INPP4B: variants seen among roughly 807,000 people sequenced by gnomAD.
The protein encoded by INPP4B is inositol polyphosphate 4-phosphatase type II.
A neutral mutation model predicts 122.5 loss-of-function variants in INPP4B; 55 were observed. The observed-to-expected ratio is 0.45, with a 90% confidence interval of 0.36 to 0.56. The LOEUF (loss-of-function observed/expected upper bound fraction) is 0.56, where lower values mean the gene tolerates loss of function less well. Among genes scored for constraint, INPP4B ranks in the 20% least tolerant of loss-of-function variants. INPP4B has a pLI of 0.00. For synonymous variants in INPP4B, 403 were observed against 388.7 expected, an observed-to-expected ratio of 1.04 and a Z score of -0.43; for missense variants, 1,000 against 1,097.7, an observed-to-expected ratio of 0.91 and a Z score of 1.26.
At chr4:142,636,865 T>A (rs1376962369) in intron 2 of INPP4B, among the ~76,000 whole-genome samples, 1 of 152,106 alleles carries the variant, frequency 6.6e-6, no homozygotes, top group Non-Finnish European at 1.5e-5. Context: ...ATAAAATTAC[T>A]TGTAATTATA....
chr4:142,193,504 C>A (rs1444249300), intron 14 of INPP4B, among the ~76,000 whole-genome samples: 1 of 152,044 alleles, frequency 6.6e-6, no homozygotes, highest in Non-Finnish European at 1.5e-5. Flanking sequence ...ATGTTAATTG[C>A]TCTTTTGTGT....
intron 2 of INPP4B, among the ~76,000 whole-genome samples, chr4:142,510,965 T>G (rs1194312915): frequency 6.6e-6 from 1 of 152,168 alleles, no homozygotes; most frequent in Non-Finnish European, 1.5e-5. Flanking sequence ...TTTCTTCAGA[T>G]AGACTTGTCA....
At chr4:142,205,684 T>C (rs951045410) in intron 14 of INPP4B, among the ~76,000 whole-genome samples, 1 of 152,114 alleles carries the variant, frequency 6.6e-6, no homozygotes, top group Non-Finnish European at 1.5e-5. Context: ...ACTCAGCTCA[T>C]GTAAAAAGCG....
rs192042881 is a variant in INPP4B, at chr4:142,735,868, T to A, written c.-253-9967A>T. Among the ~76,000 whole-genome samples the A allele has an allele frequency of 1.6e-3, 244 of 151,872 alleles. 2 individuals are homozygous for A. The highest frequency in any genetic ancestry group is 3.1e-3 in the Non-Finnish European group (211 of 67,968). On this transcript the variant is annotated intron_variant, in intron 1 of 25. Transcript: ENST00000262992. ...AACATATTATATCTTTAATTTAAAGTAATTATTATCGCCTAGGAGTTTAAA... is the reference window on the plus strand; with the variant it reads ...AACATATTATATCTTTAATTTAAAGAAATTATTATCGCCTAGGAGTTTAAA...
At chr4:142,257,521 A>G (rs1736938005) in intron 11 of INPP4B, among the ~76,000 whole-genome samples, 2 of 152,122 alleles carry the variant, frequency 1.3e-5, no homozygotes. Context: ...AGGATACAAA[A>G]TCAATGTACA....
chr4:142,683,413 G>A (rs1439891495), intron 2 of INPP4B, among the ~76,000 whole-genome samples: 1 of 151,788 alleles, frequency 6.6e-6, no homozygotes, highest in East Asian at 2.0e-4. Flanking sequence ...CACCAGACAG[G>A]TTTCCATGTG....
At chr4:142,551,791 C>T (rs990858423) in intron 2 of INPP4B, among the ~76,000 whole-genome samples, 2 of 152,076 alleles carry the variant, frequency 1.3e-5, no homozygotes, top group African/African-American at 2.4e-5. Flanking sequence ...ATATAGAAAA[C>T]TTTAAAAAAT....
At chr4:142,235,499 G>T (rs1267503890) in intron 12 of INPP4B, among the ~76,000 whole-genome samples, 4 of 152,122 alleles carry the variant, frequency 2.6e-5, no homozygotes, top group Non-Finnish European at 4.4e-5. Context: ...TCAGCTCACT[G>T]CAAGCTCCGC....
intron 15 of INPP4B, among the ~76,000 whole-genome samples, chr4:142,179,777 A>G (rs1830010476): frequency 6.6e-6 from 1 of 152,170 alleles, no homozygotes; most frequent in Non-Finnish European, 1.5e-5. Context: ...TGACCTTTAA[A>G]TAAGCAAAGT....
intron 2 of INPP4B, among the ~76,000 whole-genome samples, chr4:142,722,538 TA>T (rs963323416): frequency 1.3e-5 from 2 of 152,106 alleles, no homozygotes; most frequent in African/African-American, 2.4e-5. Context: ...CCAGAAGAGT[TA>T]AAAAGACCAA....
intron 11 of INPP4B, among the ~76,000 whole-genome samples, chr4:142,241,704 T>C (rs1859489456): frequency 6.6e-6 from 1 of 152,194 alleles, no homozygotes; most frequent in Admixed American, 6.5e-5. Context: ...ATCAAAGAGA[T>C]ATCATAGGGA....
intron 1 of INPP4B, among the ~76,000 whole-genome samples, chr4:142,783,690 T>A (rs956013134): frequency 2.6e-5 from 4 of 152,134 alleles, no homozygotes; most frequent in African/African-American, 9.7e-5. Flanking sequence ...CTGCAAAACA[T>A]TAAAATGACA....
intron 18 of INPP4B, among the ~76,000 whole-genome samples, chr4:142,138,619 T>A (rs1163422054): frequency 2.0e-5 from 3 of 152,152 alleles, no homozygotes; most frequent in Non-Finnish European, 4.4e-5. Context: ...TGTGCTTGAA[T>A]TTGAATCCTT....
At chr4:142,432,578 G>T (rs879397186) in intron 3 of INPP4B, among the ~76,000 whole-genome samples, 6 of 152,046 alleles carry the variant, frequency 3.9e-5, no homozygotes, top group Admixed American at 3.9e-4. Flanking sequence ...CTTGAACAGC[G>T]ATCATGCTTC....
chr4:142,636,574 G>C (rs1224090167), intron 2 of INPP4B, among the ~76,000 whole-genome samples: 1 of 151,928 alleles, frequency 6.6e-6, no homozygotes, highest in African/African-American at 2.4e-5. Flanking sequence ...AGAGGTATTA[G>C]TTTTAGTTTA....
chr4:142,074,821 G>A (rs528787461), intron 25 of INPP4B, among the ~76,000 whole-genome samples: 1 of 151,718 alleles, frequency 6.6e-6, no homozygotes, highest in East Asian at 1.9e-4. Flanking sequence ...AAAATCACTT[G>A]ACAAGTGTGA....
intron 17 of INPP4B, among the ~76,000 whole-genome samples, chr4:142,150,891 T>C (rs1430478753): frequency 6.6e-6 from 1 of 152,152 alleles, no homozygotes; most frequent in Non-Finnish European, 1.5e-5. Flanking sequence ...GACCAACTTT[T>C]TCTAAGGCCA....
At chr4:142,817,262 T>C (rs752832674) in intron 1 of INPP4B, among the ~76,000 whole-genome samples, 5 of 152,154 alleles carry the variant, frequency 3.3e-5, no homozygotes, top group Non-Finnish European at 7.4e-5. Flanking sequence ...GACTACAGTA[T>C]AAGAGTTTTT....
At chr4:142,791,693 G>A (rs1185320717) in intron 1 of INPP4B, among the ~76,000 whole-genome samples, 1 of 152,012 alleles carries the variant, frequency 6.6e-6, no homozygotes, top group East Asian at 1.9e-4. Flanking sequence ...CCCCTTGGGT[G>A]CATCCTCAGG....
Sources: allele counts gnomAD v4.1 joint callset (sites outside exome capture counted in the v4.1 genomes callset), GRCh38; gene constraint gnomAD v4.1.1; transcripts MANE v1.5; gene names NCBI Gene and HGNC (gene_info 2026-07-23, HGNC 2026-07-21).